MPC1: variants seen among roughly 807,000 people sequenced by gnomAD.
MPC1 encodes HSPC040 protein.
A neutral mutation model predicts 13.9 loss-of-function variants in MPC1; 6 were observed. That is an observed-to-expected ratio of 0.43 (90% CI 0.24 to 0.85). MPC1 has a LOEUF of 0.85. MPC1 is among the 40% of genes least tolerant of loss of function. The pLI, the probability that MPC1 is intolerant of heterozygous loss-of-function variation, is 0.24. For synonymous variants in MPC1, 47 were observed against 50.5 expected (o/e 0.93, Z 0.29); for missense variants, 115 against 143.3 (o/e 0.80, Z 1.01).
At chr6:166,378,103 A>G (rs921034400) in intron 1 of MPC1, among the ~76,000 whole-genome samples, 1 of 152,236 alleles carries the variant, frequency 6.6e-6, no homozygotes, top group Non-Finnish European at 1.5e-5. Flanking sequence ...TTCAGATATC[A>G]GCCTTCTCAT....
intron 1 of MPC1, among the ~76,000 whole-genome samples, chr6:166,376,948 T>C (rs886857054): frequency 3.9e-5 from 6 of 152,214 alleles, no homozygotes; most frequent in African/African-American, 1.4e-4. Flanking sequence ...TCTACTGATA[T>C]TCAAAGTGAT....
chr6:166,382,195 G>A (rs1305567727), intron 1 of MPC1, among the ~76,000 whole-genome samples: 2 of 152,198 alleles, frequency 1.3e-5, no homozygotes, highest in Non-Finnish European at 2.9e-5. Flanking sequence ...TGTCACCCCT[G>A]CCGGGTCACC....
At chr6:166,382,771 C>G (rs566742239) in intron 1 of MPC1, 35 bp downstream of exon 1, 1 of 1,557,158 alleles carries the variant, frequency 6.4e-7, no homozygotes, top group South Asian at 1.2e-5. Flanking sequence ...GGGAGCCCCT[C>G]CGGGTTGCGG....
Position 166,377,171 on chromosome 6 carries a change from C to T in MPC1, c.71+5635G>A, listed in dbSNP as rs531620954. The stretch of plus-strand genomic sequence containing the variant: ...TCTTTTTTTTTTTTTTTGAGACAGT[C>T]TCGCTCTGTTAGCCAGGCTGGAGTG... On this transcript the variant is annotated intron_variant, in intron 1 of 4. Transcript: ENST00000360961. Among the ~76,000 whole-genome samples, 7 of 133,648 alleles carry T rather than the reference C, an allele frequency of 5.2e-5. No individual in the cohort carries two copies. In the South Asian group the frequency reaches 1.6e-3, roughly 31 times the overall value. The allele number at this position is 133,648 out of a possible 152,430, so 87.7% of individuals were successfully genotyped here. A position where few individuals can be genotyped will look rare whatever the true frequency, so the allele number is the denominator to read the frequency against.
chr6:166,381,811 AG>A, intron 1 of MPC1: 1 of 984,048 alleles, frequency 1.0e-6, no homozygotes, highest in East Asian at 1.1e-4. Flanking sequence ...TTTGGTTGAC[AG>A]AATTTCGTAT....
chr6:166,375,295 A>G (rs747522779), intron 1 of MPC1, among the ~76,000 whole-genome samples: 1 of 152,204 alleles, frequency 6.6e-6, no homozygotes, highest in Non-Finnish European at 1.5e-5. Flanking sequence ...CACAAAATTT[A>G]CAATTTATGA....
chr6:166,379,459 A>C (rs922712856), intron 1 of MPC1, among the ~76,000 whole-genome samples: 2 of 151,938 alleles, frequency 1.3e-5, no homozygotes, highest in African/African-American at 4.9e-5. Flanking sequence ...ATGCCATTGC[A>C]CTCCAGCCTG....
At position 166,382,916 on chromosome 6, in the gene MPC1, G is replaced by A. The variant is rs1779860820; in HGVS notation, c.-40C>T. 2 of 1,569,004 alleles carry A rather than the reference G, an allele frequency of 1.3e-6. No individual in the cohort carries two copies. The highest frequency in any genetic ancestry group is 2.5e-5 in the East Asian group (1 of 40,378). On this transcript the variant is annotated 5_prime_UTR_variant, in exon 1 of 5. Transcript: ENST00000360961. ...CAGACCCCGAGTGGTCCCTGCCTCT[G>A]CTGCCGCTTCCCAGAGCCAATGACA...
intron 1 of MPC1, among the ~76,000 whole-genome samples, chr6:166,381,574 AAACT>A (rs1257771666): frequency 6.6e-6 from 1 of 152,204 alleles, no homozygotes; most frequent in Non-Finnish European, 1.5e-5. Context: ...ATACACTGAA[AAACT>A]AACTAAAATT....
intron 1 of MPC1, among the ~76,000 whole-genome samples, chr6:166,375,871 A>G (rs1562460425): frequency 1.3e-5 from 2 of 152,208 alleles, no homozygotes; most frequent in Non-Finnish European, 2.9e-5. Flanking sequence ...TGTTACATGT[A>G]GCAGTCTACT....
rs62438409 is a variant in MPC1, at chr6:166,380,627, C to T, written c.71+2179G>A. Among the ~76,000 whole-genome samples the T allele has an allele frequency of 2.4e-3, 363 of 152,136 alleles. 2 individuals are homozygous for T. The highest frequency in any genetic ancestry group is 6.8e-3 in the Middle Eastern group (2 of 294). ...CTCTCTTCCTTGAAAATATATTTAA[C>T]AAATTCTTCCTATGTAATGAAACTG... On this transcript the variant is annotated intron_variant, in intron 1 of 4. Transcript: ENST00000360961.
chr6:166,374,494 TC>T, intron 1 of MPC1, among the ~76,000 whole-genome samples: 1 of 152,314 alleles, frequency 6.6e-6, no homozygotes, highest in Admixed American at 6.5e-5. Flanking sequence ...GAAAAACTCA[TC>T]CCCAAACCCA....
chr6:166,380,674 C>T (rs1779734598), intron 1 of MPC1, among the ~76,000 whole-genome samples: 1 of 152,076 alleles, frequency 6.6e-6, no homozygotes, highest in African/African-American at 2.4e-5. Flanking sequence ...CATGGTGGCT[C>T]ACACCTGCTA....
intron 1 of MPC1, among the ~76,000 whole-genome samples, chr6:166,372,847 G>A (rs1419396600): frequency 6.6e-6 from 1 of 151,550 alleles, no homozygotes; most frequent in Non-Finnish European, 1.5e-5. Flanking sequence ...CTCTTTATTT[G>A]GTATGCTGCC....
At chr6:166,366,186 C>G (rs766398658) in intron 3 of MPC1, 80 bp from the exon 4 acceptor site, 63 of 1,454,010 alleles carry the variant, frequency 4.3e-5, no homozygotes, top group Non-Finnish European at 5.6e-5. Flanking sequence ...ATGAACAGTT[C>G]CATTGCCCTG....
intron 2 of MPC1, among the ~76,000 whole-genome samples, chr6:166,367,957 A>T (rs1779223986): frequency 1.3e-5 from 2 of 152,260 alleles, no homozygotes; most frequent in African/African-American, 4.8e-5. Flanking sequence ...TAGAATATTT[A>T]AAAATGTTTA....
intron 1 of MPC1, among the ~76,000 whole-genome samples, chr6:166,372,148 C>T (rs1779403739): frequency 6.6e-6 from 1 of 152,178 alleles, no homozygotes; most frequent in Non-Finnish European, 1.5e-5. Flanking sequence ...CAGTCAGTCA[C>T]CTACGGCATT....
At chr6:166,381,021 A>C (rs969741539) in intron 1 of MPC1, among the ~76,000 whole-genome samples, 2 of 152,122 alleles carry the variant, frequency 1.3e-5, no homozygotes, top group Non-Finnish European at 2.9e-5. Flanking sequence ...AGGTGTCATA[A>C]CTGTATTTTT....
intron 2 of MPC1, among the ~76,000 whole-genome samples, chr6:166,367,550 G>T (rs1779208235): frequency 6.6e-6 from 1 of 152,198 alleles, no homozygotes; most frequent in African/African-American, 2.4e-5. Flanking sequence ...TGAACCAATA[G>T]TTTTTCATTC....
Sources: gnomAD v4.1 joint callset for allele counts (sites outside exome capture counted in the v4.1 genomes callset) on GRCh38, gnomAD v4.1.1 for gene constraint, MANE v1.5 for transcripts, NCBI Gene and HGNC (gene_info 2026-07-23, HGNC 2026-07-21) for gene names.